PRDM12: variants seen among roughly 807,000 people sequenced by gnomAD.
The protein encoded by PRDM12 is PR/SET domain 12.
Under a neutral mutation model 29.6 loss-of-function variants are expected in PRDM12, and 17 were observed. The observed-to-expected ratio is 0.57, with a 90% CI of 0.39 to 0.86. The LOEUF (loss-of-function observed/expected upper bound fraction) is 0.86. Among genes scored for constraint, PRDM12 ranks in the 40% least tolerant of loss-of-function variants. The pLI, the probability that PRDM12 is intolerant of heterozygous loss-of-function variation, is 0.00. For synonymous variants in PRDM12, 231 were observed against 225.8 expected (o/e 1.02, Z -0.21); for missense variants, 422 against 510.8 (o/e 0.83, Z 1.68).
At position 130,668,059 on chromosome 9, in the gene PRDM12, GC is replaced by G; in HGVS notation, c.415-98del. 1 of 1,418,250 alleles carries G rather than the reference GC, an allele frequency of 7.1e-7. No individual in the cohort carries two copies. The highest frequency in any genetic ancestry group is 9.7e-7 in the Non-Finnish European group (1 of 1,027,356). The allele number at this position is 1,418,250 out of a possible 1,614,324, so 87.9% of individuals were successfully genotyped here. A position where few individuals can be genotyped will look rare whatever the true frequency, so the allele number is the denominator to read the frequency against. The stretch of plus-strand genomic sequence containing the variant: ...AATGAAGCTTTATCCACTTCCTGGG[GC>G]TGTTGTGAGGATGGAGAGTGTGTGT... On this transcript the variant is annotated intron_variant, in intron 2 of 4. Transcript: ENST00000253008. The surrounding 1 kb of genome is among the most constrained non-coding windows in gnomAD (Gnocchi z 4.0).
chr9:130,672,204 T>A (rs1830795185), intron 3 of PRDM12, among the ~76,000 whole-genome samples: 1 of 152,190 alleles, frequency 6.6e-6, no homozygotes. Context: ...GCAACTTTTT[T>A]ATTATTATTT....
chr9:130,666,668 T>C lies in PRDM12; in HGVS notation c.284T>C (p.Ile95Thr). 2 of 1,613,208 alleles carry C rather than the reference T, an allele frequency of 1.2e-6. No individual in the cohort carries two copies. Among genetic ancestry groups the C allele is most frequent in the Non-Finnish European group, 1.7e-6 (2 of 1,179,760 alleles). ...GAGGTGATCATCGCTCAGAGCTCCA[T>C]CCCTGGCGAGGGCCTCGGCATCTTC... ...PAEVIIAQSS[I>T]PGEGLGIFSK... The change falls in exon 2 of 5, where the codon ATC (isoleucine) becomes ACC (threonine). Residue 95 changes from isoleucine (I) to threonine (T), a missense_variant. Physicochemically the swap from Ile to Thr is moderately conservative, Grantham distance 89. This residue lies in a region of PRDM12 where 300 missense variants were observed against 350.0 expected (regional missense o/e 0.86). Coordinates refer to ENST00000253008, the MANE Select transcript of PRDM12 (RefSeq NM_021619.3).
chr9:130,671,096 G>A (rs1017913971), intron 3 of PRDM12, among the ~76,000 whole-genome samples: 2 of 152,176 alleles, frequency 1.3e-5, no homozygotes, highest in Non-Finnish European at 2.9e-5. Flanking sequence ...TGTAATCCCA[G>A]CATTTTCAGA....
chr9:130,664,996 G>A lies in PRDM12; in HGVS notation c.223+120G>A. The stretch of plus-strand genomic sequence containing the variant: ...CTCGCTGCTACTCGCGCCAACCTGG[G>A]CTCTCCCGGCGCTCGGTGCACCTCA... On this transcript the variant is annotated intron_variant, in intron 1 of 4. Transcript: ENST00000253008. This position sits in a 1 kb window ranked among gnomAD's most constrained non-coding sequence, Gnocchi z 6.4. 2 of 1,042,492 alleles carry A rather than the reference G, an allele frequency of 1.9e-6. No individual in the cohort carries two copies. The highest frequency in any genetic ancestry group is 2.7e-6 in the Non-Finnish European group (2 of 737,710). The allele number at this position is 1,042,492 out of a possible 1,614,324, so 64.6% of individuals were successfully genotyped here.
rs758732358 is a variant in PRDM12 at position 130,664,692 on chromosome 9, C to T, written c.39C>T (p.Leu13=). The T allele has an allele frequency of 6.2e-7, 1 of 1,607,686 alleles. No individual in the cohort carries two copies. The highest frequency in any genetic ancestry group is 8.5e-7 in the Non-Finnish European group (1 of 1,179,122). Residue 13 remains leucine (L), a synonymous_variant, in exon 1 of 5, where the codon CTC becomes CTT. Transcript: ENST00000253008. The surrounding 1 kb of genome is among the most constrained non-coding windows in gnomAD (Gnocchi z 6.4). ...GSVLPAEALV[L]KTGLKAPGLA... is the part of the protein sequence containing the mutation. ...TGCTCCCGGCTGAGGCCCTGGTGCT[C>T]AAGACCGGGCTGAAGGCGCCGGGAC...
At chr9:130,680,635 AT>A (rs1481903937) in intron 4 of PRDM12, among the ~76,000 whole-genome samples, 2,592 of 81,724 alleles carry the variant, frequency 0.032, 41 homozygotes, top group South Asian at 0.053. Context: ...AAAAAAAAAA[AT>A]ATATATATAT....
At chr9:130,679,002 C>T (rs1830868762) in intron 4 of PRDM12, among the ~76,000 whole-genome samples, 1 of 152,190 alleles carries the variant, frequency 6.6e-6, no homozygotes, top group African/African-American at 2.4e-5. Flanking sequence ...TGTCCTGTGC[C>T]TCAGTTTCCT....
intron 3 of PRDM12, among the ~76,000 whole-genome samples, chr9:130,671,910 T>C (rs114966179): frequency 0.012 from 1,837 of 152,326 alleles, 35 homozygotes; most frequent in African/African-American, 0.042. Context: ...CTTTATTCAA[T>C]AAGCAGAATA....
At position 130,681,281 on chromosome 9, in the gene PRDM12, C is replaced by A; in HGVS notation, c.716C>A (p.Pro239His). The A allele has an allele frequency of 6.7e-7, 1 of 1,492,024 alleles. No individual in the cohort carries two copies. Among genetic ancestry groups the A allele is most frequent in the Non-Finnish European group, 9.0e-7 (1 of 1,115,216 alleles). The allele number at this position is 1,492,024 out of a possible 1,614,324, so 92.4% of individuals were successfully genotyped here. A position where few individuals can be genotyped will look rare whatever the true frequency, so the allele number is the denominator to read the frequency against. Residue 239 changes from proline (P) to histidine (H), a missense_variant, in exon 5 of 5, where the codon CCC (proline) becomes CAC (histidine). Around this residue, in one of 5 missense-constraint regions of PRDM12, gnomAD observed 300 missense variants for 350.0 expected, o/e 0.86. Transcript: ENST00000253008. This position sits in a 1 kb window ranked among gnomAD's most constrained non-coding sequence, Gnocchi z 8.1. ...CACCCGGCGGACTCGGCGGCTGGCC[C>A]CGCGGGCCGCATGCGATGCGTCATC... The part of the protein sequence containing the change: ...DFHPADSAAG[P>H]AGRMRCVICH...
intron 4 of PRDM12, among the ~76,000 whole-genome samples, chr9:130,680,649 ATATATATATATT>A (rs1206821333): frequency 5.1e-5 from 4 of 78,886 alleles, no homozygotes; most frequent in East Asian, 3.8e-4. Flanking sequence ...ATATATATAT[ATATATATATATT>A]TTTTTTTTTT....
At chr9:130,676,443 C>T (rs1830843208) in intron 3 of PRDM12, among the ~76,000 whole-genome samples, 4 of 152,136 alleles carry the variant, frequency 2.6e-5, no homozygotes, top group Admixed American at 2.6e-4. Flanking sequence ...TTGCAGTGAG[C>T]CAAGATCGCG....
chr9:130,673,559 C>T (rs1049385293), intron 3 of PRDM12, among the ~76,000 whole-genome samples: 2 of 151,938 alleles, frequency 1.3e-5, no homozygotes, highest in African/African-American at 4.8e-5. Flanking sequence ...GAGTGCTCAG[C>T]TCACTGCAAC....
In PRDM12 at chr9:130,681,386, G is replaced by A; in HGVS notation, c.821G>A (p.Arg274His). The change falls in exon 5 of 5, where the codon CGC (arginine) becomes CAC (histidine). Residue 274 changes from arginine (R) to histidine (H), a missense_variant. Arg to His is a conservative substitution (Grantham distance 29). Coordinates refer to ENST00000253008, the MANE Select transcript of PRDM12 (RefSeq NM_021619.3). The surrounding 1 kb of genome is among the most constrained non-coding windows in gnomAD (Gnocchi z 8.1). ...ACGCTGGACAAGCCCTTCGTGTGCC[G>A]CTTCTGCAACCGCCGCTTCAGCCAG... is the stretch of plus-strand genomic sequence containing the variant. ...IHTLDKPFVC[R>H]FCNRRFSQSS... 10 of 1,593,254 alleles carry A rather than the reference G, an allele frequency of 6.3e-6. No homozygotes were observed. In the South Asian group the frequency reaches 1.0e-4, roughly 16 times the overall value.
chr9:130,677,808 G>T (rs146622448), intron 3 of PRDM12, among the ~76,000 whole-genome samples: 402 of 152,308 alleles, frequency 2.6e-3, no homozygotes, highest in African/African-American at 9.4e-3. Flanking sequence ...AACATCCTTT[G>T]CCATGAGCCT....
At position 130,664,901 on chromosome 9, in the gene PRDM12, C is replaced by T. The variant is rs557778396; in HGVS notation, c.223+25C>T. 2.7e-6 allele frequency: 4 copies of T among 1,502,982 alleles called. No homozygotes were observed. The highest frequency in any genetic ancestry group is 1.2e-5 in the South Asian group (1 of 81,046). The allele number at this position is 1,502,982 out of a possible 1,614,324, so 93.1% of individuals were successfully genotyped here. On this transcript the variant is annotated intron_variant, in intron 1 of 4. Transcript: ENST00000253008. This position sits in a 1 kb window ranked among gnomAD's most constrained non-coding sequence, Gnocchi z 6.4. ...GGTGAGTCCAGCCGTCGGAGCCCGG[C>T]GCAATCCCTCCTCCCGGCGACCCCC...
intron 3 of PRDM12, among the ~76,000 whole-genome samples, chr9:130,675,857 A>G (rs530206627): frequency 2.0e-5 from 3 of 152,284 alleles, no homozygotes; most frequent in East Asian, 1.9e-4. Context: ...CCATGACATC[A>G]ACGTGTCCGG....
Position 130,664,846 on chromosome 9 carries a change from G to A in PRDM12, c.193G>A (p.Ala65Thr). The A allele has an allele frequency of 3.2e-6, 5 of 1,548,332 alleles. No individual in the cohort carries two copies. The highest frequency in any genetic ancestry group is 1.4e-5 in the African/African-American group (1 of 73,140). ...CGCCAGCCCCAAGACAGCCTTCACC[G>A]CCGAGGTGCTGGCGCAGTCCTTCTC... ...HHASPKTAFT[A>T]EVLAQSFSGE... The change falls in exon 1 of 5, where the codon GCC (alanine) becomes ACC (threonine). Residue 65 changes from alanine (A) to threonine (T), a missense_variant. By Grantham distance (58) the Ala-to-Thr change is moderately conservative. Transcript: ENST00000253008. This position sits in a 1 kb window ranked among gnomAD's most constrained non-coding sequence, Gnocchi z 6.4.
Position 130,681,420 on chromosome 9 carries a change from G to C in PRDM12, c.855G>C (p.Thr285=). ...ACCGCCGCTTCAGCCAGTCGTCCACGCTGCGCAACCACGTGCGCCTGCACA... is the reference window on the plus strand; with the variant it reads ...ACCGCCGCTTCAGCCAGTCGTCCACCCTGCGCAACCACGTGCGCCTGCACA... The part of the protein sequence containing the change: ...FCNRRFSQSS[T]LRNHVRLHTG... The change falls in exon 5 of 5, where the codon ACG becomes ACC. Residue 285 remains threonine, a synonymous_variant. Coordinates refer to ENST00000253008, the MANE Select transcript of PRDM12 (RefSeq NM_021619.3). This position sits in a 1 kb window ranked among gnomAD's most constrained non-coding sequence, Gnocchi z 8.1. The C allele has an allele frequency of 1.2e-6, 2 of 1,600,048 alleles. No homozygotes were observed. Among genetic ancestry groups the C allele is most frequent in the Admixed American group, 1.7e-5 (1 of 59,500 alleles).
intron 4 of PRDM12, among the ~76,000 whole-genome samples, chr9:130,679,819 C>T (rs1342950852): frequency 6.6e-6 from 1 of 151,968 alleles, no homozygotes; most frequent in Non-Finnish European, 1.5e-5. Flanking sequence ...CACCACCACA[C>T]CTGGCTAATT....
Sources: gnomAD v4.1 joint callset for allele counts (sites outside exome capture counted in the v4.1 genomes callset) on GRCh38, gnomAD v4.1.1 for gene constraint, gnomAD v4.1.1 regional missense constraint, Gnocchi (gnomAD v3.1) non-coding constraint, MANE v1.5 for transcripts, NCBI Gene and HGNC (gene_info 2026-07-23, HGNC 2026-07-21) for gene names.